FAM171A1: variants seen among roughly 807,000 people sequenced by gnomAD.
FAM171A1 encodes protein FAM171A1.
Under a neutral mutation model 74.9 loss-of-function variants are expected in FAM171A1, and 23 were observed. The ratio of observed to expected loss-of-function variants is 0.31; its 90% CI spans 0.22 to 0.44. The LOEUF is 0.44. FAM171A1 is among the 20% of genes least tolerant of loss of function. The probability of loss-of-function intolerance (pLI) is 1.00; values close to 1 mark genes in which losing one functional copy is unlikely to be tolerated. For missense variants in FAM171A1, 1,162 were observed against 1,159.2 expected (o/e 1.00, Z -0.03); for synonymous variants, 527 against 505.7 (o/e 1.04, Z -0.57).
rs372216689 is a variant in FAM171A1 at position 15,248,619 on chromosome 10, G to A, written c.754+20C>T. ...CGAAGCCATCTGGTAGCCGATTGTC[G>A]GCACAGAACTCTTGCTTACCCAGCT... On this transcript the variant is annotated intron_variant, in intron 5 of 7. Transcript: ENST00000378116. 2.4e-5 allele frequency: 38 copies of A among 1,568,642 alleles called. No individual in the cohort carries two copies. The highest frequency in any genetic ancestry group is 7.5e-5 in the Admixed American group (4 of 53,590).
At chr10:15,361,094 A>G (rs1037285222) in intron 1 of FAM171A1, among the ~76,000 whole-genome samples, 2 of 152,224 alleles carry the variant, frequency 1.3e-5, no homozygotes, top group Non-Finnish European at 2.9e-5. Context: ...CTAATCATTA[A>G]TAAAATATGA....
chr10:15,306,254 G>T (rs1321646615), intron 1 of FAM171A1, among the ~76,000 whole-genome samples: 1 of 152,124 alleles, frequency 6.6e-6, no homozygotes, highest in African/African-American at 2.4e-5. Flanking sequence ...AACTGTTTGG[G>T]GTTCTTCTTT....
chr10:15,373,683 C>T (rs1431933224), upstream of FAM171A1, among the ~76,000 whole-genome samples: 1 of 152,032 alleles, frequency 6.6e-6, no homozygotes, highest in East Asian at 1.9e-4. Context: ...CCTCTCTGTA[C>T]TATTTTTGTA....
rs2131712851 is a variant in FAM171A1, at chr10:15,220,824, A to G, written c.871+120T>C. ...ACATCATCTCATTTTCAGACTTTTA[A>G]CCATTTTTGAATAAGATGTGATCGC... On this transcript the variant is annotated intron_variant, in intron 6 of 7. Coordinates refer to ENST00000378116, the MANE Select transcript of FAM171A1 (RefSeq NM_001010924.2). The G allele has an allele frequency of 9.3e-6, 7 of 753,096 alleles. No homozygotes were observed. In the South Asian group the frequency reaches 9.4e-5, roughly 10 times the overall value. The allele number at this position is 753,096 out of a possible 1,614,324, so 46.7% of individuals were successfully genotyped here.
At chr10:15,225,474 G>A (rs867453527) in intron 5 of FAM171A1, among the ~76,000 whole-genome samples, 5 of 152,304 alleles carry the variant, frequency 3.3e-5, no homozygotes, top group Middle Eastern at 3.4e-3. Flanking sequence ...CATGCTTTCC[G>A]TGTTTTGTGG....
chr10:15,264,306 C>T (rs769067486), intron 3 of FAM171A1, among the ~76,000 whole-genome samples: 76 of 152,076 alleles, frequency 5.0e-4, no homozygotes, highest in African/African-American at 1.5e-3. Flanking sequence ...AAAACAGTGT[C>T]GAAAATAACA....
chr10:15,278,526 G>C (rs546269396), intron 2 of FAM171A1, among the ~76,000 whole-genome samples: 1 of 152,326 alleles, frequency 6.6e-6, no homozygotes, highest in East Asian at 1.9e-4. Context: ...CTGATGAATG[G>C]ATAAAGTGTG....
chr10:15,273,836 C>A (rs1478766213), intron 3 of FAM171A1, among the ~76,000 whole-genome samples: 1 of 152,144 alleles, frequency 6.6e-6, no homozygotes, highest in Admixed American at 6.6e-5. Flanking sequence ...ATTCAACAGC[C>A]CTTCATGCTA....
chr10:15,274,755 T>A (rs1236968355), intron 3 of FAM171A1, among the ~76,000 whole-genome samples: 1 of 152,156 alleles, frequency 6.6e-6, no homozygotes, highest in Non-Finnish European at 1.5e-5. Context: ...GTCTGATCTT[T>A]GACAAACTTG....
intron 3 of FAM171A1, among the ~76,000 whole-genome samples, chr10:15,259,157 T>G (rs944445190): frequency 6.6e-6 from 1 of 152,174 alleles, no homozygotes; most frequent in East Asian, 1.9e-4. Context: ...GCCATCATTC[T>G]CCCTATCTAT....
At chr10:15,356,605 C>T (rs1015009249) in intron 1 of FAM171A1, among the ~76,000 whole-genome samples, 7 of 152,084 alleles carry the variant, frequency 4.6e-5, no homozygotes, top group South Asian at 2.1e-4. Context: ...TACAGAAGAA[C>T]GTTATGCAGC....
At chr10:15,236,953 T>C (rs1414738571) in intron 5 of FAM171A1, among the ~76,000 whole-genome samples, 1 of 151,894 alleles carries the variant, frequency 6.6e-6, no homozygotes, top group Non-Finnish European at 1.5e-5. Flanking sequence ...ATATGCTGGG[T>C]GTGGTGGCAC....
Position 15,240,734 on chromosome 10 carries a change from T to C in FAM171A1, c.754+7905A>G, listed in dbSNP as rs1834353439. On this transcript the variant is annotated intron_variant, in intron 5 of 7. Coordinates refer to ENST00000378116, the MANE Select transcript of FAM171A1 (RefSeq NM_001010924.2). ...AGAGTTAAAACATGGATATACTGAG[T>C]TAGTGTTAAAACGTGATTTTGAGGC... The C allele has an allele frequency of 3.0e-6, 3 of 985,162 alleles. No individual in the cohort carries two copies. In the South Asian group the frequency reaches 1.4e-4, roughly 46 times the overall value. The allele number at this position is 985,162 out of a possible 1,614,324, so 61.0% of individuals were successfully genotyped here. A position where few individuals can be genotyped will look rare whatever the true frequency, so the allele number is the denominator to read the frequency against.
Position 15,233,346 on chromosome 10 carries a change from T to A in FAM171A1, c.755-12286A>T, listed in dbSNP as rs1055245258. ...AAACATTTTTTTTCCCTAAAGGATC[T>A]AAGTTGTGATCCCATTTTTCTTCCC... is the stretch of plus-strand genomic sequence containing the variant. On this transcript the variant is annotated intron_variant, in intron 5 of 7. Transcript: ENST00000378116. Among the ~76,000 whole-genome samples, 4 of 151,882 alleles carry A rather than the reference T, an allele frequency of 2.6e-5. No individual in the cohort carries two copies. The East Asian group carries it at 7.7e-4, about 29-fold the overall frequency.
chr10:15,261,936 A>C (rs905075282), intron 3 of FAM171A1, among the ~76,000 whole-genome samples: 4 of 152,144 alleles, frequency 2.6e-5, no homozygotes, highest in Non-Finnish European at 5.9e-5. Flanking sequence ...TGGGCAACAT[A>C]GACCCCATCT....
intron 1 of FAM171A1, among the ~76,000 whole-genome samples, chr10:15,370,400 C>T (rs944730443): frequency 6.6e-6 from 1 of 151,544 alleles, no homozygotes; most frequent in Non-Finnish European, 1.5e-5. Context: ...TCCCAAACTG[C>T]GGCAGGCTAG....
At chr10:15,235,978 G>C (rs1834283458) in intron 5 of FAM171A1, among the ~76,000 whole-genome samples, 1 of 152,218 alleles carries the variant, frequency 6.6e-6, no homozygotes. Context: ...GGAGATAGGA[G>C]TGAGCAGAGC....
At chr10:15,306,979 A>G (rs1835303410) in intron 1 of FAM171A1, among the ~76,000 whole-genome samples, 1 of 152,286 alleles carries the variant, frequency 6.6e-6, no homozygotes, top group Admixed American at 6.5e-5. Context: ...TTCTGAAGAC[A>G]CGGAACCCTC....
intron 1 of FAM171A1, among the ~76,000 whole-genome samples, chr10:15,362,574 A>G (rs774066441): frequency 7.9e-5 from 12 of 152,172 alleles, no homozygotes; most frequent in Admixed American, 2.6e-4. Context: ...AAATACAAAA[A>G]TTAGCCAGGA....
Sources: allele counts gnomAD v4.1 joint callset (sites outside exome capture counted in the v4.1 genomes callset), GRCh38; gene constraint gnomAD v4.1.1; transcripts MANE v1.5; gene names NCBI Gene and HGNC (gene_info 2026-07-23, HGNC 2026-07-21).